The following EPB41 variants were observed in gnomAD, a reference collection of about 807,000 sequenced individuals.
EPB41 encodes the protein protein 4.1.
In EPB41, 65 loss-of-function variants were observed where a neutral mutation model predicts 108.0. The ratio of observed to expected loss-of-function variants is 0.60; its 90% CI spans 0.49 to 0.74. EPB41 has a LOEUF of 0.74. Ranked by LOEUF, EPB41 falls within the 30% of genes least tolerant of loss-of-function variation. The pLI is 0.00. For missense variants in EPB41, 875 were observed against 1,037.0 expected (o/e 0.84, Z 2.15); for synonymous variants, 336 against 358.9 (o/e 0.94, Z 0.72).
chr1:29,014,627 A>C (rs1234596499), intron 5 of EPB41, among the ~76,000 whole-genome samples: 1 of 152,076 alleles, frequency 6.6e-6, no homozygotes, highest in Non-Finnish European at 1.5e-5. Flanking sequence ...GTGGAGTGGC[A>C]CAATCCTAGC....
intron 7 of EPB41, among the ~76,000 whole-genome samples, chr1:29,024,688 T>C (rs994817123): frequency 3.3e-5 from 5 of 151,866 alleles, no homozygotes; most frequent in African/African-American, 1.2e-4. Context: ...ATTCTTATCC[T>C]CACTTCACAA....
In EPB41 at chr1:29,096,237, C is replaced by G. The variant is rs1663186763; in HGVS notation, c.2185-1570C>G. 3.0e-6 allele frequency: 3 copies of G among 985,784 alleles called. No homozygotes were observed. In the South Asian group the frequency reaches 1.4e-4, roughly 46 times the overall value. 61.1% of individuals were successfully genotyped at this position (985,784 alleles called of 1,614,324 possible). On this transcript the variant is annotated intron_variant, in intron 16 of 20. Transcript: ENST00000343067. ...AACCCTGACTCTGAATGGGAGGGTC[C>G]CAAGCATTCGGTAGTTCCTAGTAAA...
chr1:29,052,224 G>T (rs1356859707), intron 11 of EPB41, among the ~76,000 whole-genome samples: 2 of 151,976 alleles, frequency 1.3e-5, no homozygotes, highest in Non-Finnish European at 1.5e-5. Flanking sequence ...CTAAATTAAG[G>T]TTTCTCAACC....
At chr1:28,896,572 G>A (rs941963628) in intron 1 of EPB41, among the ~76,000 whole-genome samples, 1 of 152,210 alleles carries the variant, frequency 6.6e-6, no homozygotes, top group Non-Finnish European at 1.5e-5. Flanking sequence ...TATTGAATAG[G>A]TGTTCTTATG....
chr1:28,929,843 CTTTTTTT>C (rs56337991), intron 1 of EPB41, among the ~76,000 whole-genome samples: 1,922 of 101,884 alleles, frequency 0.019, 34 homozygotes, highest in Middle Eastern at 0.13. Context: ...ACTGGGCCTT[CTTTTTTT>C]TTTTTTTTTT....
chr1:28,894,336 C>A (rs183592457), intron 1 of EPB41, among the ~76,000 whole-genome samples: 399 of 152,228 alleles, frequency 2.6e-3, no homozygotes, highest in African/African-American at 9.2e-3. Context: ...TATGGTATAC[C>A]TATCAATGTG....
intron 16 of EPB41, among the ~76,000 whole-genome samples, chr1:29,079,054 G>T (rs1212090791): frequency 1.3e-5 from 2 of 151,560 alleles, no homozygotes; most frequent in African/African-American, 4.9e-5. Context: ...GGAGTGCAAT[G>T]GTGCGATCTC....
In EPB41 at chr1:29,112,425, G is replaced by A. The variant is rs1371222587; in HGVS notation, c.2473G>A (p.Asp825Asn). 6.2e-7 allele frequency: 1 copy of A among 1,614,058 alleles called. No individual in the cohort carries two copies. Residue 825 changes from aspartate to asparagine, a missense_variant, in exon 19 of 21, where the codon GAT (aspartate) becomes AAT (asparagine). By Grantham distance (23) the Asp-to-Asn change is conservative. Coordinates refer to ENST00000343067, the MANE Select transcript of EPB41 (RefSeq NM_001376013.1). Reference sequence around the variant, plus strand: ...TGAAAAGAGAATTGTGATCACAGGAGATGCTGATATTGACCATGATCAGGT... The same window carrying A: ...TGAAAAGAGAATTGTGATCACAGGAAATGCTGATATTGACCATGATCAGGT... Reference protein sequence around the residue: ...RIEKRIVITGDADIDHDQVLV... With the variant: ...RIEKRIVITGNADIDHDQVLV...
chr1:29,069,217 C>T, intron 16 of EPB41: 3 of 1,231,588 alleles, frequency 2.4e-6, no homozygotes, highest in Non-Finnish European at 3.0e-6. Context: ...GTGCAAAGAA[C>T]CAGTGTTGAA....
chr1:29,022,226 A>G (rs1159557833), intron 7 of EPB41, among the ~76,000 whole-genome samples: 1 of 152,160 alleles, frequency 6.6e-6, no homozygotes, highest in East Asian at 1.9e-4. Flanking sequence ...GAAATGCACA[A>G]TGTTAAAAAA....
chr1:29,103,909 T>C (rs1666280782), intron 17 of EPB41, among the ~76,000 whole-genome samples: 1 of 152,138 alleles, frequency 6.6e-6, no homozygotes. Context: ...TCAGGTGATC[T>C]GCCCGCCTTG....
intron 11 of EPB41, among the ~76,000 whole-genome samples, chr1:29,050,358 G>T (rs1644281591): frequency 6.6e-6 from 1 of 152,258 alleles, no homozygotes. Context: ...ATTAGTACTG[G>T]ATTGAAACCA....
chr1:28,990,450 T>C lies in EPB41; in HGVS notation c.468+2545T>C, dbSNP rs555039254. Among the ~76,000 whole-genome samples, 5 of 150,552 alleles carry C rather than the reference T, an allele frequency of 3.3e-5. No individual in the cohort carries two copies. In the East Asian group the frequency reaches 5.9e-4, roughly 18 times the overall value. On this transcript the variant is annotated intron_variant, in intron 2 of 20. Coordinates refer to ENST00000343067, the MANE Select transcript of EPB41 (RefSeq NM_001376013.1). ...TTTTTCTTTCTTTCTTGACAGGGTC[T>C]CTCTCTGTCACCCAGACTAGAATAC...
chr1:28,990,858 G>A (rs1417707257), intron 2 of EPB41, among the ~76,000 whole-genome samples: 2 of 152,068 alleles, frequency 1.3e-5, no homozygotes, highest in African/African-American at 4.8e-5. Flanking sequence ...CACAGATGAT[G>A]GACAGTTAAT....
intron 11 of EPB41, among the ~76,000 whole-genome samples, chr1:29,048,691 T>C (rs1643957305): frequency 1.3e-5 from 2 of 152,228 alleles, no homozygotes; most frequent in Non-Finnish European, 2.9e-5. Flanking sequence ...CCCATGCTTT[T>C]TACTCTTCAC....
rs1054714853 is a variant in EPB41 at position 29,018,435 on chromosome 1, T to A, written c.1117T>A (p.Ser373Thr). Residue 373 changes from serine to threonine, a missense_variant, in exon 7 of 21, where the codon TCA becomes ACA. Coordinates refer to ENST00000343067, the MANE Select transcript of EPB41 (RefSeq NM_001376013.1). This position sits in a 1 kb window ranked among gnomAD's most constrained non-coding sequence, Gnocchi z 4.4. ...LEEKVMELHK[S>T]YRSMTPAQAD... ...AGAGAAGGTCATGGAACTGCATAAG[T>A]CATACAGGTGAATATGTCTCCAGGG... 6.2e-7 allele frequency: 1 copy of A among 1,614,006 alleles called. No homozygotes were observed. Among genetic ancestry groups the A allele is most frequent in the Non-Finnish European group, 8.5e-7 (1 of 1,179,954 alleles).
At chr1:28,894,881 T>A (rs374152914) in intron 1 of EPB41, among the ~76,000 whole-genome samples, 1 of 152,136 alleles carries the variant, frequency 6.6e-6, no homozygotes, top group Non-Finnish European at 1.5e-5. Context: ...CTTTCTGGCT[T>A]TTTTCTCCTA....
intron 1 of EPB41, among the ~76,000 whole-genome samples, chr1:28,951,324 AAAAC>A (rs1194922492): frequency 6.6e-6 from 1 of 151,578 alleles, no homozygotes; most frequent in Non-Finnish European, 1.5e-5. Flanking sequence ...CATTAAAAAA[AAAAC>A]AACCCCAACT....
At chr1:29,096,312 C>T (rs565559207) in intron 16 of EPB41, 3 of 985,842 alleles carry the variant, frequency 3.0e-6, no homozygotes, top group South Asian at 4.7e-5. Context: ...GCCTTTGGCT[C>T]CCTCTCCATA....
Sources: allele counts gnomAD v4.1 joint callset (sites outside exome capture counted in the v4.1 genomes callset), GRCh38; gene constraint gnomAD v4.1.1; non-coding constraint Gnocchi (gnomAD v3.1); transcripts MANE v1.5; gene names NCBI Gene and HGNC (gene_info 2026-07-23, HGNC 2026-07-21).